Variants in ALCAM observed in about 807,000 individuals in gnomAD.
ALCAM encodes the protein activated leukocyte cell adhesion molecule, also known as CD166 antigen.
Under a neutral mutation model 70.9 loss-of-function variants are expected in ALCAM, and 30 were observed. The ratio of observed to expected loss-of-function variants is 0.42; its 90% CI spans 0.32 to 0.57. The LOEUF (loss-of-function observed/expected upper bound fraction) is 0.57, where lower values mean the gene tolerates loss of function less well. Ranked by LOEUF, ALCAM falls within the 20% of genes least tolerant of loss-of-function variation. The probability of loss-of-function intolerance (pLI) is 0.11; values close to 1 mark genes in which losing one functional copy is unlikely to be tolerated. For missense variants in ALCAM, 591 were observed against 695.1 expected (o/e 0.85, Z 1.68); for synonymous variants, 249 against 242.5 (o/e 1.03, Z -0.25).
intron 14 of ALCAM, among the ~76,000 whole-genome samples, chr3:105,561,125 C>A (rs1283375530): frequency 6.6e-6 from 1 of 151,996 alleles, no homozygotes; most frequent in Admixed American, 6.5e-5. Flanking sequence ...AAAGTTTATT[C>A]CTGTATGTTT....
intron 1 of ALCAM, among the ~76,000 whole-genome samples, chr3:105,504,884 C>G (rs192862181): frequency 8.9e-4 from 135 of 152,284 alleles, no homozygotes; most frequent in African/African-American, 3.2e-3. Context: ...TCCCTTCCCC[C>G]TTCTGTATCA....
At chr3:105,392,821 T>C (rs1362413713) in intron 1 of ALCAM, among the ~76,000 whole-genome samples, 1 of 152,076 alleles carries the variant, frequency 6.6e-6, no homozygotes, top group Non-Finnish European at 1.5e-5. Flanking sequence ...ATTTGTGCCT[T>C]AATTTCATTA....
chr3:105,521,092 G>A (rs1329784137), intron 2 of ALCAM, among the ~76,000 whole-genome samples: 1 of 151,562 alleles, frequency 6.6e-6, no homozygotes, highest in African/African-American at 2.4e-5. Context: ...ATGAGGTCAG[G>A]AGATCGAGAC....
chr3:105,394,807 T>A (rs924357825), intron 1 of ALCAM, among the ~76,000 whole-genome samples: 1 of 151,974 alleles, frequency 6.6e-6, no homozygotes, highest in Non-Finnish European at 1.5e-5. Context: ...AAAACAAGCA[T>A]GGCAAACCAA....
At chr3:105,427,276 GCTC>G (rs1195290104) in intron 1 of ALCAM, among the ~76,000 whole-genome samples, 3 of 151,866 alleles carry the variant, frequency 2.0e-5, no homozygotes, top group Non-Finnish European at 2.9e-5. Context: ...CATTGCCTGT[GCTC>G]CTTCTTTACC....
chr3:105,417,880 A>C (rs1936544925), intron 1 of ALCAM, among the ~76,000 whole-genome samples: 1 of 151,858 alleles, frequency 6.6e-6, no homozygotes, highest in Non-Finnish European at 1.5e-5. Flanking sequence ...GATTGATGAC[A>C]AACCATTTTA....
chr3:105,489,200 C>G (rs1333359567), intron 1 of ALCAM, among the ~76,000 whole-genome samples: 1 of 152,246 alleles, frequency 6.6e-6, no homozygotes, highest in African/African-American at 2.4e-5. Context: ...ATCAATGCAT[C>G]TCAAATTTAA....
chr3:105,480,331 A>G (rs2152607206), intron 1 of ALCAM, among the ~76,000 whole-genome samples: 1 of 152,104 alleles, frequency 6.6e-6, no homozygotes, highest in East Asian at 1.9e-4. Context: ...GAGCCTGGGC[A>G]GCAGAGCAAG....
chr3:105,511,363 T>A lies in ALCAM; in HGVS notation c.74-8704T>A, dbSNP rs571129800. On this transcript the variant is annotated intron_variant, in intron 1 of 15. Transcript: ENST00000306107. ...TGTATGTGACTATTTGTTTTATTTTTAATTTCCTCTTTCCTGTGCTTTTAG... is the reference window on the plus strand; with the variant it reads ...TGTATGTGACTATTTGTTTTATTTTAAATTTCCTCTTTCCTGTGCTTTTAG... Among the ~76,000 whole-genome samples the A allele has an allele frequency of 8.5e-5, 13 of 152,194 alleles. No individual in the cohort carries two copies. The South Asian group carries it at 2.7e-3, about 32-fold the overall frequency.
chr3:105,532,481 T>A (rs756187560), intron 4 of ALCAM, among the ~76,000 whole-genome samples: 14 of 152,126 alleles, frequency 9.2e-5, no homozygotes, highest in Non-Finnish European at 1.6e-4. Flanking sequence ...TACATGCCTG[T>A]GGTCCCAGCT....
At chr3:105,393,535 A>C (rs1483531939) in intron 1 of ALCAM, among the ~76,000 whole-genome samples, 1 of 151,884 alleles carries the variant, frequency 6.6e-6, no homozygotes, top group Non-Finnish European at 1.5e-5. Flanking sequence ...TATTTCCTAA[A>C]TTCTTGTGAT....
At chr3:105,373,871 G>T (rs912911056) in intron 1 of ALCAM, among the ~76,000 whole-genome samples, 20 of 152,260 alleles carry the variant, frequency 1.3e-4, no homozygotes, top group African/African-American at 4.8e-4. Context: ...GCATTACTAA[G>T]AAATTTTCTC....
chr3:105,466,841 T>C (rs1048432744), intron 1 of ALCAM, among the ~76,000 whole-genome samples: 1 of 151,388 alleles, frequency 6.6e-6, no homozygotes, highest in African/African-American at 2.4e-5. Flanking sequence ...CAGTGTCTAG[T>C]TTCAACAGCT....
chr3:105,563,500 TTCTTC>T (rs1181645720), intron 14 of ALCAM, among the ~76,000 whole-genome samples: 1 of 151,710 alleles, frequency 6.6e-6, no homozygotes, highest in East Asian at 1.9e-4. Flanking sequence ...GTATTAGACT[TTCTTC>T]TTTTATAAGA....
In ALCAM at chr3:105,569,093, A is replaced by G. The variant is rs1576247253; in HGVS notation, c.1665-2759A>G. On this transcript the variant is annotated intron_variant, in intron 14 of 15. Coordinates refer to ENST00000306107, the MANE Select transcript of ALCAM (RefSeq NM_001627.4). Reference sequence around the variant, plus strand: ...TGTTTTTTTTTTAATTTTATTTTTTAGGATTTACCAACTGAATGTTGACTT... The same window carrying G: ...TGTTTTTTTTTTAATTTTATTTTTTGGGATTTACCAACTGAATGTTGACTT... 2.0e-5 allele frequency among the ~76,000 whole-genome samples: 3 copies of G among 151,800 alleles called. No individual in the cohort carries two copies. The East Asian group carries it at 5.8e-4, about 29-fold the overall frequency.
intron 1 of ALCAM, among the ~76,000 whole-genome samples, chr3:105,434,111 C>G: frequency 6.6e-6 from 1 of 152,270 alleles, no homozygotes; most frequent in East Asian, 1.9e-4. Flanking sequence ...TTCATAACAA[C>G]TTTAAAATAT....
intron 1 of ALCAM, among the ~76,000 whole-genome samples, chr3:105,466,728 ATTGATT>A (rs1251721043): frequency 6.6e-6 from 1 of 151,392 alleles, no homozygotes; most frequent in Admixed American, 6.6e-5. Flanking sequence ...AATGACCTGA[ATTGATT>A]CTATCTATAT....
chr3:105,567,904 A>G (rs1940777826), intron 14 of ALCAM, among the ~76,000 whole-genome samples: 1 of 152,068 alleles, frequency 6.6e-6, no homozygotes, highest in African/African-American at 2.4e-5. Context: ...TCTAAAGGAT[A>G]TGAGTTGCTT....
intron 1 of ALCAM, among the ~76,000 whole-genome samples, chr3:105,457,689 TG>T (rs1937552768): frequency 6.6e-6 from 1 of 152,174 alleles, no homozygotes; most frequent in Admixed American, 6.5e-5. Context: ...GCCCATATGC[TG>T]GAAGAAGGCA....
Sources: allele counts gnomAD v4.1 joint callset (sites outside exome capture counted in the v4.1 genomes callset), GRCh38; gene constraint gnomAD v4.1.1; transcripts MANE v1.5; gene names NCBI Gene and HGNC (gene_info 2026-07-23, HGNC 2026-07-21).